Variants in ELMO1 observed in about 807,000 individuals in gnomAD.
ELMO1 encodes the protein engulfment and cell motility protein 1.
Under a neutral mutation model 98.9 loss-of-function variants are expected in ELMO1, and 26 were observed. The ratio of observed to expected loss-of-function variants is 0.26; its 90% CI spans 0.19 to 0.36. The LOEUF (loss-of-function observed/expected upper bound fraction) is 0.36. Among genes scored for constraint, ELMO1 ranks in the 10% least tolerant of loss-of-function variants. The pLI, the probability that ELMO1 is intolerant of heterozygous loss-of-function variation, is 1.00. For missense variants in ELMO1, 627 were observed against 935.2 expected, an observed-to-expected ratio of 0.67 and a Z score of 4.30; for synonymous variants, 346 against 346.0, an observed-to-expected ratio of 1.00 and a Z score of 0.00.
intron 4 of ELMO1, among the ~76,000 whole-genome samples, chr7:37,281,238 G>A (rs187744949): frequency 3.4e-4 from 51 of 151,658 alleles, no homozygotes; most frequent in African/African-American, 1.2e-3. Flanking sequence ...GGGGAAGAGC[G>A]GGAGGGGGGT....
chr7:37,042,212 A>G (rs74723040), intron 15 of ELMO1, among the ~76,000 whole-genome samples: 5 of 109,678 alleles, frequency 4.6e-5, no homozygotes, highest in South Asian at 2.5e-4. Context: ...CTGACTTTTG[A>G]AAAAAAAAAA....
chr7:36,991,878 T>A (rs551223711), intron 16 of ELMO1, among the ~76,000 whole-genome samples: 1 of 152,160 alleles, frequency 6.6e-6, no homozygotes, highest in Non-Finnish European at 1.5e-5. Flanking sequence ...GACATTCAGA[T>A]AACATGTCTC....
At chr7:36,892,341 C>A (rs571373033) in intron 17 of ELMO1, among the ~76,000 whole-genome samples, 45 of 152,222 alleles carry the variant, frequency 3.0e-4, no homozygotes, top group Non-Finnish European at 5.3e-4. Flanking sequence ...ATTTTCAGCT[C>A]GAAAATCCCA....
At chr7:37,383,261 G>A (rs1211494757) in intron 1 of ELMO1, among the ~76,000 whole-genome samples, 1 of 152,186 alleles carries the variant, frequency 6.6e-6, no homozygotes, top group Non-Finnish European at 1.5e-5. Flanking sequence ...CCTTTAGTTT[G>A]GGATAGTTCT....
intron 16 of ELMO1, among the ~76,000 whole-genome samples, chr7:36,964,428 T>C (rs2129124473): frequency 6.6e-6 from 1 of 152,322 alleles, no homozygotes; most frequent in Non-Finnish European, 1.5e-5. Context: ...ATACTGAAAG[T>C]AAAAACCAGA....
At chr7:37,351,282 G>A (rs2131296904) in intron 1 of ELMO1, 1 of 152,296 alleles carries the variant, frequency 6.6e-6, no homozygotes, top group South Asian at 2.1e-4. Context: ...TGCAATAAAT[G>A]TGATCCAACC....
intron 16 of ELMO1, among the ~76,000 whole-genome samples, chr7:36,952,070 C>G (rs1445249667): frequency 6.6e-6 from 1 of 152,190 alleles, no homozygotes; most frequent in African/African-American, 2.4e-5. Flanking sequence ...CAGGATGTCC[C>G]CAGACGGAGG....
intron 16 of ELMO1, among the ~76,000 whole-genome samples, chr7:36,898,549 G>A: frequency 6.6e-6 from 1 of 152,174 alleles, no homozygotes; most frequent in East Asian, 1.9e-4. Flanking sequence ...TGGAAGACCG[G>A]GTTAAAGGTA....
chr7:37,244,447 C>T, intron 6 of ELMO1, 56 bp from the exon 7 acceptor site: 1 of 1,564,810 alleles, frequency 6.4e-7, no homozygotes, highest in Admixed American at 1.8e-5. Context: ...ACAATTTTTA[C>T]ACAAAGAACA....
At chr7:36,859,620 C>T (rs1228401312) in intron 21 of ELMO1, among the ~76,000 whole-genome samples, 1 of 152,192 alleles carries the variant, frequency 6.6e-6, no homozygotes, top group Admixed American at 6.5e-5. Flanking sequence ...GCTCTGTCCT[C>T]TTACTACTTG....
chr7:37,333,465 C>A (rs1428641551), intron 2 of ELMO1, among the ~76,000 whole-genome samples: 2 of 152,174 alleles, frequency 1.3e-5, no homozygotes, highest in East Asian at 3.8e-4. Flanking sequence ...CACCCACCTA[C>A]AGAGCAAACT....
At chr7:37,058,398 G>A (rs890398640) in intron 15 of ELMO1, among the ~76,000 whole-genome samples, 1 of 152,054 alleles carries the variant, frequency 6.6e-6, no homozygotes, top group African/African-American at 2.4e-5. Flanking sequence ...AAACCTAAAA[G>A]GCAAGAGGCC....
rs1461057324 is a variant in ELMO1 at position 37,014,873 on chromosome 7, CT to C, written c.1301-1439del. Reference sequence around the variant, plus strand: ...AGAGCTTCTGTTCTCGGGGAGAGCCCTGGTGCCTGCCATGTGGATGAGCAGC... The same window carrying C: ...AGAGCTTCTGTTCTCGGGGAGAGCCCGGTGCCTGCCATGTGGATGAGCAGC... On this transcript the variant is annotated intron_variant, in intron 15 of 21. Transcript: ENST00000310758. Among the ~76,000 whole-genome samples, 4 of 151,954 alleles carry C rather than the reference CT, an allele frequency of 2.6e-5. No homozygotes were observed. The East Asian group carries it at 7.8e-4, about 29-fold the overall frequency.
chr7:37,414,757 C>CA (rs1428472225), intron 1 of ELMO1, among the ~76,000 whole-genome samples: 1 of 152,206 alleles, frequency 6.6e-6, no homozygotes, highest in Non-Finnish European at 1.5e-5. Context: ...TTCTTACCAT[C>CA]AAAGTCATTC....
intron 2 of ELMO1, among the ~76,000 whole-genome samples, chr7:37,328,059 T>C (rs1378059549): frequency 1.3e-5 from 2 of 152,128 alleles, no homozygotes; most frequent in Non-Finnish European, 1.5e-5. Flanking sequence ...ATTTCACTAA[T>C]GAGCAAACCA....
At chr7:37,334,715 C>T (rs1800306917) in intron 2 of ELMO1, among the ~76,000 whole-genome samples, 1 of 152,134 alleles carries the variant, frequency 6.6e-6, no homozygotes, top group Admixed American at 6.6e-5. Context: ...AGTACAAAAA[C>T]TCAAATGGGT....
At chr7:37,027,832 C>T (rs910384916) in intron 15 of ELMO1, among the ~76,000 whole-genome samples, 4 of 142,768 alleles carry the variant, frequency 2.8e-5, no homozygotes, top group African/African-American at 8.5e-5. Flanking sequence ...AGGCACTTAA[C>T]TGAGATTTAC....
At chr7:37,191,483 C>A (rs1286152722) in intron 13 of ELMO1, among the ~76,000 whole-genome samples, 2 of 152,114 alleles carry the variant, frequency 1.3e-5, no homozygotes, top group Non-Finnish European at 2.9e-5. Flanking sequence ...ACCCAAGAAT[C>A]TAACAATCTG....
chr7:37,112,081 G>A (rs1584661826), intron 14 of ELMO1, among the ~76,000 whole-genome samples: 1 of 152,126 alleles, frequency 6.6e-6, no homozygotes, highest in South Asian at 2.1e-4. Context: ...GGCCATAAAG[G>A]ACTTCAGAGG....
Sources: allele counts gnomAD v4.1 joint callset (sites outside exome capture counted in the v4.1 genomes callset), GRCh38; gene constraint gnomAD v4.1.1; transcripts MANE v1.5; gene names NCBI Gene and HGNC (gene_info 2026-07-23, HGNC 2026-07-21).